Variants in CC2D2A observed in about 807,000 individuals in gnomAD.
The protein encoded by CC2D2A is coiled-coil and C2 domain containing 2A.
CC2D2A carries 155 observed loss-of-function variants against 212.9 expected under a neutral mutation model. That is an observed-to-expected ratio of 0.73 (90% CI 0.64 to 0.83). CC2D2A has a LOEUF of 0.83. CC2D2A is among the 40% of genes least tolerant of loss of function. The pLI, the probability that CC2D2A is intolerant of heterozygous loss-of-function variation, is 0.00. For missense variants in CC2D2A, 1,856 were observed against 1,956.2 expected (o/e 0.95, Z 0.97); for synonymous variants, 667 against 686.5 (o/e 0.97, Z 0.44).
chr4:15,496,485 C>T (rs73235019), intron 4 of CC2D2A, among the ~76,000 whole-genome samples: 9,811 of 152,082 alleles, frequency 0.065, 626 homozygotes, highest in East Asian at 0.25. Context: ...GGAGTCTTTC[C>T]CCCATTGCTG....
intron 11 of CC2D2A, among the ~76,000 whole-genome samples, chr4:15,526,292 C>A (rs916642854): frequency 6.6e-6 from 1 of 152,146 alleles, no homozygotes; most frequent in African/African-American, 2.4e-5. Flanking sequence ...CTAATTTAAT[C>A]TTTTTCCTTA....
At chr4:15,482,171 G>C (rs1297676641) in intron 4 of CC2D2A, 1 of 985,310 alleles carries the variant, frequency 1.0e-6, no homozygotes, top group Non-Finnish European at 1.2e-6. Flanking sequence ...TTGGAAGCAA[G>C]TAGACTCTTA....
intron 4 of CC2D2A, among the ~76,000 whole-genome samples, chr4:15,488,088 T>C (rs1011279932): frequency 6.6e-6 from 1 of 152,170 alleles, no homozygotes; most frequent in Admixed American, 6.5e-5. Context: ...ATATGAGTGA[T>C]TTAAACACCG....
chr4:15,477,629 T>C (rs1048299352), intron 2 of CC2D2A, among the ~76,000 whole-genome samples: 3 of 152,200 alleles, frequency 2.0e-5, no homozygotes, highest in Non-Finnish European at 4.4e-5. Flanking sequence ...GTAATCTAAG[T>C]TGGCGAATCC....
At chr4:15,562,875 A>G (rs1355345796) in intron 23 of CC2D2A, among the ~76,000 whole-genome samples, 2 of 152,248 alleles carry the variant, frequency 1.3e-5, no homozygotes, top group African/African-American at 4.8e-5. Flanking sequence ...GAGCAGGCTA[A>G]TAGGAGCTCA....
In CC2D2A at chr4:15,599,664, T is replaced by G. The variant is rs747163468; in HGVS notation, c.4632T>G (p.Asp1544Glu). 2 of 1,613,664 alleles carry G rather than the reference T, an allele frequency of 1.2e-6. No homozygotes were observed. The highest frequency in any genetic ancestry group is 4.5e-5 in the East Asian group (2 of 44,866). Residue 1544 changes from aspartate (D) to glutamate (E), a missense_variant, in exon 36 of 37, where the codon GAT (aspartate) becomes GAG (glutamate). By Grantham distance (45) the Asp-to-Glu change is conservative. This residue lies in a region of CC2D2A where 285 missense variants were observed against 278.4 expected (regional missense o/e 1.02). Coordinates refer to ENST00000424120, the MANE Select transcript of CC2D2A (RefSeq NM_001378615.1). Reference sequence around the variant, plus strand: ...AAAGTCAAGGAGAAGATGTAGAAGATGACCACAGAGCAGAACTGCTAAAAC... The same window carrying G: ...AAAGTCAAGGAGAAGATGTAGAAGAGGACCACAGAGCAGAACTGCTAAAAC... ...LEKSQGEDVE[D>E]DHRAELLKQL...
chr4:15,569,420 T>C lies in CC2D2A; in HGVS notation c.3495+31T>C, dbSNP rs776830290. The C allele has an allele frequency of 4.5e-5, 58 of 1,285,598 alleles. 1 individual carries two copies. Among genetic ancestry groups the C allele is most frequent in the Middle Eastern group, 1.8e-4 (1 of 5,414 alleles). 79.6% of individuals were successfully genotyped at this position (1,285,598 alleles called of 1,614,324 possible). A position where few individuals can be genotyped will look rare whatever the true frequency, so the allele number is the denominator to read the frequency against. On this transcript the variant is annotated intron_variant, in intron 27 of 36. Transcript: ENST00000424120. Reference sequence around the variant, plus strand: ...TTCTCAGTTTTAAGAAAGACACTTGTATTCACTTTCATATCCTCTACCCAC... The same window carrying C: ...TTCTCAGTTTTAAGAAAGACACTTGCATTCACTTTCATATCCTCTACCCAC...
chr4:15,599,440 A>G, intron 35 of CC2D2A, 89 bp from the exon 36 acceptor site: 1 of 785,282 alleles, frequency 1.3e-6, no homozygotes, highest in South Asian at 2.4e-5. Flanking sequence ...TAGTTATACA[A>G]TCATCTGAAT....
intron 4 of CC2D2A, among the ~76,000 whole-genome samples, chr4:15,488,062 G>A (rs1715103440): frequency 6.6e-6 from 1 of 151,864 alleles, no homozygotes; most frequent in South Asian, 2.1e-4. Context: ...TTTTCTTTTA[G>A]TCTTCAGGGC....
Position 15,510,220 on chromosome 4 carries a change from A to G in CC2D2A, c.520A>G (p.Lys174Glu). 2 of 1,611,264 alleles carry G rather than the reference A, an allele frequency of 1.2e-6. No individual in the cohort carries two copies. The highest frequency in any genetic ancestry group is 1.7e-6 in the Non-Finnish European group (2 of 1,179,240). Residue 174 changes from lysine (K) to glutamate (E), a missense_variant, in exon 7 of 37, where the codon AAA becomes GAA. Coordinates refer to ENST00000424120, the MANE Select transcript of CC2D2A (RefSeq NM_001378615.1). ...AGTCAAGTTCCATGATTCTGCACGAAAAATCAAGCCTAAACCCCAGGTGAG... is the reference window on the plus strand; with the variant it reads ...AGTCAAGTTCCATGATTCTGCACGAGAAATCAAGCCTAAACCCCAGGTGAG... ...SRVKFHDSAR[K>E]IKPKPQVPPG...
intron 33 of CC2D2A, among the ~76,000 whole-genome samples, chr4:15,595,483 T>A (rs1721279004): frequency 6.6e-6 from 1 of 152,090 alleles, no homozygotes; most frequent in Non-Finnish European, 1.5e-5. Flanking sequence ...AGGTACAGAT[T>A]AATTAACTCA....
At chr4:15,585,443 C>T (rs536405340) in intron 30 of CC2D2A, among the ~76,000 whole-genome samples, 1 of 152,066 alleles carries the variant, frequency 6.6e-6, no homozygotes, top group Non-Finnish European at 1.5e-5. Flanking sequence ...AAAAGTTTAT[C>T]TCAAAGTAGA....
chr4:15,491,831 GCTTGT>G (rs1715320252), intron 4 of CC2D2A, among the ~76,000 whole-genome samples: 1 of 151,898 alleles, frequency 6.6e-6, no homozygotes, highest in Admixed American at 6.5e-5. Flanking sequence ...CAAGTCAGTG[GCTTGT>G]CTTTTCATTT....
Position 15,516,573 on chromosome 4 carries a change from T to C in CC2D2A, c.1018-52T>C. On this transcript the variant is annotated intron_variant, in intron 10 of 36. Transcript: ENST00000424120. ...GAAATGTTGTTTGTGTTGTGAACCA[T>C]TTTCTGTTCGATTAGAAGAAAATGT... 6 of 1,573,160 alleles carry C rather than the reference T, an allele frequency of 3.8e-6. No homozygotes were observed. The South Asian group carries it at 7.1e-5, about 19-fold the overall frequency.
chr4:15,511,372 G>A lies in CC2D2A; in HGVS notation c.666G>A (p.Glu222=). The change falls in exon 8 of 37, where the codon GAG becomes GAA. Residue 222 remains glutamate (E), a synonymous_variant. Transcript: ENST00000424120. ...ATAGAGCGGGAACTAATCAAGAGGA[G>A]GAGGAAGGGGAAGAAGAAGAACCAC... is the stretch of plus-strand genomic sequence containing the variant. ...ARHRAGTNQE[E]EEGEEEEPPA... 6.4e-7 allele frequency: 1 copy of A among 1,559,870 alleles called. No homozygotes were observed. Among genetic ancestry groups the A allele is most frequent in the Non-Finnish European group, 8.6e-7 (1 of 1,160,708 alleles).
chr4:15,528,262 A>G (rs748565405), intron 12 of CC2D2A, among the ~76,000 whole-genome samples: 3 of 152,212 alleles, frequency 2.0e-5, no homozygotes, highest in Non-Finnish European at 2.9e-5. Flanking sequence ...TCTTTATATC[A>G]CAAGAATACC....
rs1324089444 is a variant in CC2D2A at position 15,469,943 on chromosome 4, T to C, written c.-133T>C. On this transcript the variant is annotated 5_prime_UTR_variant, in exon 1 of 37. Transcript: ENST00000424120. ...TCCCAGGGAGGAGCCCAGGGGCATC[T>C]CCAACACTCAGCCTTTCCCTCCGGA... 1 of 152,144 alleles carries C rather than the reference T, an allele frequency of 6.6e-6. No homozygotes were observed. Among genetic ancestry groups the C allele is most frequent in the African/African-American group, 2.4e-5 (1 of 41,416 alleles). 9.4% of individuals were successfully genotyped at this position (152,144 alleles called of 1,614,324 possible).
chr4:15,589,704 A>G, intron 33 of CC2D2A, 25 bp downstream of exon 33: 1 of 1,437,274 alleles, frequency 7.0e-7, no homozygotes, highest in Non-Finnish European at 9.2e-7. Flanking sequence ...TTCTTCTTAA[A>G]TATGGTTAGC....
intron 34 of CC2D2A, among the ~76,000 whole-genome samples, chr4:15,596,540 A>AT: frequency 6.6e-6 from 1 of 152,312 alleles, no homozygotes; most frequent in Middle Eastern, 3.4e-3. Flanking sequence ...ATCAAGTTAA[A>AT]TTGCAGGGTA....
Sources: allele counts gnomAD v4.1 joint callset (sites outside exome capture counted in the v4.1 genomes callset), GRCh38; gene constraint gnomAD v4.1.1; regional missense constraint gnomAD v4.1.1; transcripts MANE v1.5; gene names NCBI Gene and HGNC (gene_info 2026-07-23, HGNC 2026-07-21).